The following PROM1 variants were observed in gnomAD, a reference collection of about 807,000 sequenced individuals.
PROM1 encodes prominin-1.
PROM1 carries 105 observed loss-of-function variants against 116.9 expected under a neutral mutation model. The observed-to-expected ratio is 0.90, with a 90% confidence interval of 0.77 to 1.06. The LOEUF (loss-of-function observed/expected upper bound fraction) is 1.06, where lower values mean the gene tolerates loss of function less well. Among genes scored for constraint, PROM1 ranks in the 50% least tolerant of loss-of-function variants. The pLI is 0.00. For missense variants in PROM1, 1,122 were observed against 1,045.2 expected (o/e 1.07, Z -1.01); for synonymous variants, 393 against 387.0 (o/e 1.02, Z -0.18).
At chr4:16,023,708 C>A (rs1188968569) in intron 7 of PROM1, among the ~76,000 whole-genome samples, 1 of 152,164 alleles carries the variant, frequency 6.6e-6, no homozygotes, top group Non-Finnish European at 1.5e-5. Context: ...GAGTTCGCAC[C>A]TGGACTGCAC....
Position 15,968,969 on chromosome 4 carries a change from A to G in PROM1, c.*424T>C, listed in dbSNP as rs925087825. 1 of 152,210 alleles carries G rather than the reference A, an allele frequency of 6.6e-6. No homozygotes were observed. The highest frequency in any genetic ancestry group is 2.4e-5 in the African/African-American group (1 of 41,438). 9.4% of individuals were successfully genotyped at this position (152,210 alleles called of 1,614,324 possible). ...GTATATACACCGTTTACTGTACACA[A>G]AATGCATCTTTCCTGTAAACTGGTG... is the stretch of plus-strand genomic sequence containing the variant. On this transcript the variant is annotated 3_prime_UTR_variant, in exon 28 of 28. Coordinates refer to ENST00000447510, the MANE Select transcript of PROM1 (RefSeq NM_006017.3).
At position 16,058,520 on chromosome 4, in the gene PROM1, G is replaced by A. The variant is rs140355369; in HGVS notation, c.220+17167C>T. On this transcript the variant is annotated intron_variant, in intron 2 of 27. Coordinates refer to ENST00000447510, the MANE Select transcript of PROM1 (RefSeq NM_006017.3). ...AAATTAGCCAGGCGTGGTGATGCAT[G>A]CCTGTAATCCCAGCTACTGAGGAGG... 6.3e-3 allele frequency among the ~76,000 whole-genome samples: 952 copies of A among 152,124 alleles called. 8 individuals are homozygous for A. Among genetic ancestry groups the A allele is most frequent in the South Asian group, 0.034 (164 of 4,808 alleles).
At chr4:15,994,572 C>T (rs993566448) in intron 15 of PROM1, among the ~76,000 whole-genome samples, 16 of 152,148 alleles carry the variant, frequency 1.1e-4, no homozygotes, top group African/African-American at 7.2e-5. Context: ...AGGGAGGAGA[C>T]GCAGACATCT....
intron 13 of PROM1, chr4:16,003,392 G>C: frequency 2.2e-6 from 1 of 456,690 alleles, no homozygotes; most frequent in South Asian, 1.5e-5. Flanking sequence ...AGAGCATCAT[G>C]GTCTTTTTAC....
rs941118065 is a variant in PROM1, at chr4:16,012,257, A to G, written c.1141+1018T>C. Among the ~76,000 whole-genome samples the G allele has an allele frequency of 2.0e-5, 3 of 152,142 alleles. No homozygotes were observed. In the South Asian group the frequency reaches 6.2e-4, roughly 32 times the overall value. Reference sequence around the variant, plus strand: ...GGTGACCTACCCGCCTTGGCCTCCCAAAGTGCTGGGATTGCAGGCGTGAGC... The same window carrying G: ...GGTGACCTACCCGCCTTGGCCTCCCGAAGTGCTGGGATTGCAGGCGTGAGC... On this transcript the variant is annotated intron_variant, in intron 11 of 27. Coordinates refer to ENST00000447510, the MANE Select transcript of PROM1 (RefSeq NM_006017.3).
At chr4:15,974,658 A>G (rs768459577) in intron 26 of PROM1, among the ~76,000 whole-genome samples, 7 of 152,226 alleles carry the variant, frequency 4.6e-5, no homozygotes, top group South Asian at 2.1e-4. Flanking sequence ...ATTTATAAAC[A>G]CAGGGTCTTG....
At chr4:16,024,407 A>T (rs1730709175) in intron 6 of PROM1, 49 bp from the exon 7 acceptor site, 1 of 1,462,444 alleles carries the variant, frequency 6.8e-7, no homozygotes, top group East Asian at 2.3e-5. Context: ...GTCCAAAGGC[A>T]ATAAGAGGGC....
intron 5 of PROM1, 81 bp from the exon 6 acceptor site, chr4:16,025,393 G>T (rs1730994749): frequency 4.5e-6 from 7 of 1,543,552 alleles, no homozygotes; most frequent in Non-Finnish European, 6.2e-6. Flanking sequence ...AGCAGAGCAG[G>T]AGTCAGGGAG....
chr4:15,973,604 T>C (rs1715254661), intron 26 of PROM1, among the ~76,000 whole-genome samples: 1 of 152,244 alleles, frequency 6.6e-6, no homozygotes, highest in African/African-American at 2.4e-5. Context: ...TAATTTCATA[T>C]GAAAATCAGA....
intron 15 of PROM1, among the ~76,000 whole-genome samples, chr4:15,997,042 A>T (rs1053052412): frequency 1.3e-4 from 20 of 151,888 alleles, no homozygotes; most frequent in Non-Finnish European, 2.5e-4. Flanking sequence ...CTGTGAACTG[A>T]TTTCAAATAC....
intron 3 of PROM1, chr4:16,037,920 A>G (rs11939573): frequency 2.0e-5 from 3 of 152,324 alleles, no homozygotes; most frequent in Non-Finnish European, 4.4e-5. Context: ...TGAAAATACT[A>G]TGGATTCACT....
chr4:16,018,804 A>G (rs1179995878), intron 8 of PROM1, among the ~76,000 whole-genome samples: 1 of 152,166 alleles, frequency 6.6e-6, no homozygotes, highest in Non-Finnish European at 1.5e-5. Flanking sequence ...CATGATGGGG[A>G]CACCTCAATG....
rs1722837184 is a variant in PROM1, at chr4:15,998,361, A to T, written c.1682+24T>A. 2.6e-6 allele frequency: 4 copies of T among 1,552,932 alleles called. No homozygotes were observed. In the African/African-American group the frequency reaches 5.5e-5, roughly 21 times the overall value. On this transcript the variant is annotated intron_variant, in intron 15 of 27. Coordinates refer to ENST00000447510, the MANE Select transcript of PROM1 (RefSeq NM_006017.3). ...AGAAAAAGAACATCTTAAATAGCGA[A>T]ATGTATAATGCAAATATTGATACCT...
At chr4:16,010,017 AAC>A (rs1726516478) in intron 11 of PROM1, among the ~76,000 whole-genome samples, 1 of 152,044 alleles carries the variant, frequency 6.6e-6, no homozygotes, top group Non-Finnish European at 1.5e-5. Flanking sequence ...CAAACAGAAA[AAC>A]ACAAGTGACT....
chr4:16,011,824 C>A (rs1298208654), intron 11 of PROM1, among the ~76,000 whole-genome samples: 1 of 152,198 alleles, frequency 6.6e-6, no homozygotes, highest in African/African-American at 2.4e-5. Context: ...CACTTTTCTA[C>A]TCAAACTCTT....
chr4:16,023,479 A>C (rs1012628887), intron 7 of PROM1, 64 bp from the exon 8 acceptor site: 79 of 1,302,926 alleles, frequency 6.1e-5, no homozygotes, highest in Admixed American at 3.8e-4. Flanking sequence ...CCCCTCCCTC[A>C]TTCTCTCCAC....
chr4:16,012,583 G>C (rs1484710100), intron 11 of PROM1, among the ~76,000 whole-genome samples: 2 of 152,040 alleles, frequency 1.3e-5, no homozygotes, highest in Non-Finnish European at 2.9e-5. Flanking sequence ...TAAAAAGTTT[G>C]ATTTTGGCCA....
At chr4:16,083,845 G>T (rs1001668495) in intron 1 of PROM1, 133 bp downstream of exon 1, 1 of 152,218 alleles carries the variant, frequency 6.6e-6, no homozygotes, top group Admixed American at 6.5e-5. Context: ...CGCTGCGGCC[G>T]GACCCTCGGA....
intron 2 of PROM1, among the ~76,000 whole-genome samples, chr4:16,044,557 C>T (rs559200290): frequency 3.3e-5 from 5 of 152,270 alleles, no homozygotes; most frequent in Non-Finnish European, 7.4e-5. Context: ...GGGTCTTGCA[C>T]GTGGCTCTGT....
Sources: allele counts gnomAD v4.1 joint callset (sites outside exome capture counted in the v4.1 genomes callset), GRCh38; gene constraint gnomAD v4.1.1; transcripts MANE v1.5; gene names NCBI Gene and HGNC (gene_info 2026-07-23, HGNC 2026-07-21).